The following ALG9 variants were observed in gnomAD, a reference collection of about 807,000 sequenced individuals.
The protein encoded by ALG9 is alpha-1,2-mannosyltransferase ALG9.
In ALG9, 55 loss-of-function variants were observed where a neutral mutation model predicts 81.8. That is an observed-to-expected ratio of 0.67 (90% CI 0.54 to 0.84). The LOEUF is 0.84. Among genes scored for constraint, ALG9 ranks in the 40% least tolerant of loss-of-function variants. The probability of loss-of-function intolerance (pLI) is 0.00; values close to 1 mark genes in which losing one functional copy is unlikely to be tolerated. For synonymous variants in ALG9, 278 were observed against 274.3 expected, an observed-to-expected ratio of 1.01 and a Z score of -0.13; for missense variants, 629 against 745.0, an observed-to-expected ratio of 0.84 and a Z score of 1.81.
the ALG9 span, chr11:111,769,141 T>TAAA: frequency 9.4e-5 from 11 of 117,156 alleles, no homozygotes; most frequent in Non-Finnish European, 1.2e-4. Context: ...ACCCCATCTC[T>TAAA]AAAAAAAAAA....
intron 3 of ALG9, among the ~76,000 whole-genome samples, chr11:111,866,508 C>A (rs781784614): frequency 6.6e-6 from 1 of 152,038 alleles, no homozygotes; most frequent in Non-Finnish European, 1.5e-5. Context: ...CGTTATGATG[C>A]TGGGGCTAAG....
At chr11:111,803,503 G>GAAAAAAAAAAAAAAAAAAAAAAAAA (rs57411573) in intron 14 of ALG9, among the ~76,000 whole-genome samples, 1 of 133,356 alleles carries the variant, frequency 7.5e-6, no homozygotes, top group Admixed American at 7.5e-5. Flanking sequence ...TCCATCTCAG[G>GAAAAAAAAAAAAAAAAAAAAAAAAA]AAAAAAAAAA....
chr11:111,847,526 C>A (rs1204688334), intron 8 of ALG9, among the ~76,000 whole-genome samples: 1 of 152,152 alleles, frequency 6.6e-6, no homozygotes. Context: ...CAGAGAGCAC[C>A]ACTCTTCACT....
intron 13 of ALG9, among the ~76,000 whole-genome samples, chr11:111,811,423 A>G (rs1950691049): frequency 6.6e-6 from 1 of 151,960 alleles, no homozygotes; most frequent in Non-Finnish European, 1.5e-5. Context: ...CAGGCCTGTA[A>G]TCCCAGCTAC....
In ALG9 at chr11:111,808,664, T is replaced by C. The variant is rs541031005; in HGVS notation, c.1733+979A>G. Among the ~76,000 whole-genome samples the C allele has an allele frequency of 3.8e-4, 58 of 152,334 alleles. No homozygotes were observed. In the South Asian group the frequency reaches 0.012, roughly 32 times the overall value. ...CTGTCCTGGGCCTGGGCCCAGTCCGTTTCTGAGCCCCAGACCTGACTCTCA... is the reference window on the plus strand; with the variant it reads ...CTGTCCTGGGCCTGGGCCCAGTCCGCTTCTGAGCCCCAGACCTGACTCTCA... On this transcript the variant is annotated intron_variant, in intron 14 of 14. Transcript: ENST00000616540.
chr11:111,855,180 C>T (rs971974408), intron 6 of ALG9, among the ~76,000 whole-genome samples: 10 of 152,160 alleles, frequency 6.6e-5, no homozygotes, highest in African/African-American at 2.2e-4. Context: ...GGTCTGCAGG[C>T]CACATATGTT....
At chr11:111,822,972 C>T (rs143604439) in intron 13 of ALG9, among the ~76,000 whole-genome samples, 1 of 152,062 alleles carries the variant, frequency 6.6e-6, no homozygotes, top group East Asian at 1.9e-4. Flanking sequence ...TGCAGTGAGC[C>T]GAGATCACAC....
chr11:111,871,001 G>T, intron 1 of ALG9: 1 of 1,034,790 alleles, frequency 9.7e-7, no homozygotes, highest in South Asian at 4.4e-5. Flanking sequence ...GTAAAGGGTC[G>T]GGACTTGAGG....
At chr11:111,811,360 T>C (rs1555091219) in intron 13 of ALG9, among the ~76,000 whole-genome samples, 1 of 152,072 alleles carries the variant, frequency 6.6e-6, no homozygotes, top group East Asian at 1.9e-4. Context: ...CTGGCCAACA[T>C]GGGGAAACCC....
chr11:111,789,129 G>A (rs1210917754), intron 14 of ALG9, among the ~76,000 whole-genome samples: 1 of 150,616 alleles, frequency 6.6e-6, no homozygotes, highest in East Asian at 2.0e-4. Flanking sequence ...AGGCGCAAGC[G>A]ACCTCGCCTG....
At chr11:111,847,884 A>G (rs1957162609) in intron 8 of ALG9, among the ~76,000 whole-genome samples, 1 of 152,186 alleles carries the variant, frequency 6.6e-6, no homozygotes, top group South Asian at 2.1e-4. Context: ...AAAATGCACA[A>G]ACCTTCAAAG....
intron 13 of ALG9, among the ~76,000 whole-genome samples, chr11:111,826,065 T>TTAATAATAATAATAATAA (rs1953204213): frequency 5.7e-5 from 1 of 17,678 alleles, no homozygotes; most frequent in African/African-American, 2.4e-4. Flanking sequence ...AAACTCCGTC[T>TTAATAATAATAATAATAA]CAATAATAAT....
chr11:111,831,109 C>T (rs1292202728), intron 13 of ALG9, among the ~76,000 whole-genome samples: 5 of 152,252 alleles, frequency 3.3e-5, no homozygotes, highest in Admixed American at 2.0e-4. Flanking sequence ...GGCGCCATCT[C>T]GGCTGACTGC....
At chr11:111,838,471 C>A in intron 10 of ALG9, 72 bp from the exon 11 acceptor site, 1 of 1,372,108 alleles carries the variant, frequency 7.3e-7, no homozygotes, top group Non-Finnish European at 1.0e-6. Flanking sequence ...AGAGCGAAGC[C>A]AAAAAAGAGG....
chr11:111,836,366 G>C (rs191613774), intron 12 of ALG9, 72 bp from the exon 13 acceptor site: 1 of 1,582,688 alleles, frequency 6.3e-7, no homozygotes, highest in Admixed American at 1.7e-5. Context: ...AAACAAACAA[G>C]CCAGGAAAAT....
At position 111,836,888 on chromosome 11, in the gene ALG9, C is replaced by T. The variant is rs180923129; in HGVS notation, c.1472+580G>A. ...TGAAGCCATTTCTCAAATGGAGCAA[C>T]ATGACTCATCTTAACCAGATTTCCC... On this transcript the variant is annotated intron_variant, in intron 12 of 14. Transcript: ENST00000616540. Among the ~76,000 whole-genome samples, 1,004 of 152,352 alleles carry T rather than the reference C, an allele frequency of 6.6e-3. 6 individuals are homozygous for T. Among genetic ancestry groups the T allele is most frequent in the Middle Eastern group, 0.051 (15 of 294 alleles).
At position 111,853,442 on chromosome 11, in the gene ALG9, A is replaced by G; in HGVS notation, c.833T>C (p.Val278Ala). The G allele has an allele frequency of 1.9e-6, 3 of 1,614,142 alleles. No individual in the cohort carries two copies. Among genetic ancestry groups the G allele is most frequent in the Non-Finnish European group, 2.5e-6 (3 of 1,179,976 alleles). Residue 278 changes from valine (V) to alanine (A), a missense_variant, in exon 8 of 15, where the codon GTG (valine) becomes GCG (alanine). Physicochemically the swap from Val to Ala is moderately conservative, Grantham distance 64. Around this residue, in one of 3 missense-constraint regions of ALG9, gnomAD observed 344 missense variants for 390.5 expected, o/e 0.88. Coordinates refer to ENST00000616540, the MANE Select transcript of ALG9 (RefSeq NM_024740.2). The stretch of plus-strand genomic sequence containing the variant: ...CAAAACAATGTTGAGTGGTGCAATC[A>G]CCAACTTCCCATAATAGTAGCTGTC... ...VIDSYYYGKL[V>A]IAPLNIVLYN... is the part of the protein sequence containing the mutation.
chr11:111,853,472 A>AC lies in ALG9; in HGVS notation c.802dup (p.Val268GlyfsTer3). On this transcript the variant is annotated frameshift_variant, in exon 8 of 15. Coordinates refer to ENST00000616540, the MANE Select transcript of ALG9 (RefSeq NM_024740.2). LOFTEE classifies it high-confidence loss of function. ...CTTCCCATAATAGTAGCTGTCAATG[A>AC]CCACCACAGGCACCTAAAACAGAGC... The AC allele has an allele frequency of 6.2e-7, 1 of 1,613,800 alleles. No individual in the cohort carries two copies.
rs1555155529 is a variant in ALG9, at chr11:111,868,636, G to A, written c.371C>T (p.Ala124Val). 6.2e-7 allele frequency: 1 copy of A among 1,614,016 alleles called. No homozygotes were observed. The highest frequency in any genetic ancestry group is 1.1e-5 in the South Asian group (1 of 91,088). ...YAYLLLHAWP[A>V]AFHARILQTN... ...TTGTAGAATTCTTGCATGAAATGCA[G>A]CTGGCCAGGCATGAAGCAACAGGTA... is the stretch of plus-strand genomic sequence containing the variant. Residue 124 changes from alanine to valine, a missense_variant, in exon 3 of 15, where the codon GCT becomes GTT. By Grantham distance (64) the Ala-to-Val change is moderately conservative. Around this residue, in one of 3 missense-constraint regions of ALG9, gnomAD observed 344 missense variants for 390.5 expected, o/e 0.88. Transcript: ENST00000616540.
Sources: gnomAD v4.1 joint callset for allele counts (sites outside exome capture counted in the v4.1 genomes callset) on GRCh38, gnomAD v4.1.1 for gene constraint, gnomAD v4.1.1 regional missense constraint, MANE v1.5 for transcripts, NCBI Gene and HGNC (gene_info 2026-07-23, HGNC 2026-07-21) for gene names.